NKTR: variants seen among roughly 807,000 people sequenced by gnomAD.
NKTR encodes NK-tumor recognition protein.
NKTR carries 67 observed loss-of-function variants against 156.3 expected under a neutral mutation model. The ratio of observed to expected loss-of-function variants is 0.43; its 90% CI spans 0.35 to 0.53. NKTR has a LOEUF of 0.53. NKTR is among the 20% of genes least tolerant of loss of function. NKTR has a pLI of 0.01. For synonymous variants in NKTR, 640 were observed against 596.6 expected (o/e 1.07, Z -1.06); for missense variants, 1,604 against 1,730.9 (o/e 0.93, Z 1.30).
In NKTR at chr3:42,613,044, TAAC is replaced by T. The variant is rs573859769; in HGVS notation, c.59-4525_59-4523del. On this transcript the variant is annotated intron_variant, in intron 2 of 16. Transcript: ENST00000232978. Reference sequence around the variant, plus strand: ...TATTATTAAATATTTATTGAGCACCTAACTGTACCAGGCACTACGTAAGTCTCT... The same window carrying T: ...TATTATTAAATATTTATTGAGCACCTTGTACCAGGCACTACGTAAGTCTCT... Among the ~76,000 whole-genome samples, 81 of 152,292 alleles carry T rather than the reference TAAC, an allele frequency of 5.3e-4. No individual in the cohort carries two copies. In the East Asian group the frequency reaches 0.011, roughly 21 times the overall value.
intron 2 of NKTR, among the ~76,000 whole-genome samples, chr3:42,612,751 A>G (rs533617989): frequency 6.6e-5 from 10 of 152,228 alleles, no homozygotes; most frequent in Non-Finnish European, 1.5e-5. Context: ...AGTTGTCTCC[A>G]GTTTGTAATA....
intron 2 of NKTR, among the ~76,000 whole-genome samples, chr3:42,604,586 ATT>A (rs1706007963): frequency 7.7e-6 from 1 of 129,636 alleles, no homozygotes; most frequent in Non-Finnish European, 1.6e-5. Flanking sequence ...CTACTTGTTT[ATT>A]GATTACCAGG....
intron 2 of NKTR, 131 bp downstream of exon 2, chr3:42,601,195 C>G (rs1379610043): frequency 2.9e-6 from 2 of 680,040 alleles, no homozygotes; most frequent in African/African-American, 3.8e-5. Flanking sequence ...TCCGTTTTCT[C>G]TTGAGAGAAA....
intron 6 of NKTR, chr3:42,627,268 T>G: frequency 1.0e-6 from 1 of 985,382 alleles, no homozygotes; most frequent in Non-Finnish European, 1.2e-6. Context: ...CTCTTTGCCT[T>G]TATCTCTTTA....
chr3:42,619,975 T>C lies in NKTR; in HGVS notation c.286+267T>C. ...GCAACTATATACATGAAAACTCCTATCTTCCTGCCTAAAACTGTCAACATA... is the reference window on the plus strand; with the variant it reads ...GCAACTATATACATGAAAACTCCTACCTTCCTGCCTAAAACTGTCAACATA... On this transcript the variant is annotated intron_variant, in intron 5 of 16. Transcript: ENST00000232978. 3 of 1,531,144 alleles carry C rather than the reference T, an allele frequency of 2.0e-6. 1 individual carries two copies. Among genetic ancestry groups the C allele is most frequent in the South Asian group, 2.4e-5 (2 of 83,218 alleles). 94.8% of individuals were successfully genotyped at this position (1,531,144 alleles called of 1,614,324 possible).
At chr3:42,607,241 C>T (rs780651852) in intron 2 of NKTR, among the ~76,000 whole-genome samples, 7 of 152,010 alleles carry the variant, frequency 4.6e-5, no homozygotes, top group Non-Finnish European at 1.0e-4. Flanking sequence ...GTGCGTGCGG[C>T]TCTTAACAGA....
In NKTR at chr3:42,638,761, A is replaced by T. The variant is rs1291486745; in HGVS notation, c.3057A>T (p.Pro1019=). ...KRKQAFHWQP[P]LEFGEEEEEE... ...AGCAAGCATTTCACTGGCAGCCTCC[A>T]CTAGAATTTGGTGAAGAGGAGGAGG... Residue 1019 remains proline (P), a synonymous_variant, in exon 13 of 17, where the codon CCA becomes CCT. Transcript: ENST00000232978. 6.2e-7 allele frequency: 1 copy of T among 1,614,080 alleles called. No individual in the cohort carries two copies. Among genetic ancestry groups the T allele is most frequent in the East Asian group, 2.2e-5 (1 of 44,886 alleles).
At chr3:42,643,712 C>T in intron 15 of NKTR, 190 bp from the exon 16 acceptor site, 1 of 684,762 alleles carries the variant, frequency 1.5e-6, no homozygotes, top group Non-Finnish European at 2.6e-6. Flanking sequence ...ACATTTTTCT[C>T]TTTAATTATG....
chr3:42,633,383 A>G, intron 9 of NKTR, 197 bp from the exon 10 acceptor site: 1 of 1,360,122 alleles, frequency 7.4e-7, no homozygotes, highest in Non-Finnish European at 9.4e-7. Context: ...TCATTTAACA[A>G]TTTTCCTATC....
At chr3:42,635,430 A>G (rs1709309898) in intron 12 of NKTR, 64 bp downstream of exon 12, 1 of 1,306,396 alleles carries the variant, frequency 7.7e-7, no homozygotes, top group Non-Finnish European at 1.1e-6. Context: ...AAGGGATTGG[A>G]TACAATTCTG....
chr3:42,630,507 G>A (rs746873050), intron 6 of NKTR, 39 bp from the exon 7 acceptor site: 4 of 1,612,230 alleles, frequency 2.5e-6, no homozygotes, highest in South Asian at 1.1e-5. Flanking sequence ...TGAACACATC[G>A]TGTTTGACAT....
rs908621563 is a variant in NKTR at position 42,627,286 on chromosome 3, T to G, written c.375-3260T>G. The G allele has an allele frequency of 8.1e-6, 8 of 984,778 alleles. No individual in the cohort carries two copies. The African/African-American group carries it at 1.4e-4, about 17-fold the overall frequency. 61.0% of individuals were successfully genotyped at this position (984,778 alleles called of 1,614,324 possible). ...TTTGCCTTTATCTCTTTAATTCTGT[T>G]GTTATGTGCATTGAAACATTTTAAG... On this transcript the variant is annotated intron_variant, in intron 6 of 16. Transcript: ENST00000232978.
chr3:42,610,752 C>T (rs371649480), intron 2 of NKTR, among the ~76,000 whole-genome samples: 6 of 151,924 alleles, frequency 3.9e-5, no homozygotes, highest in African/African-American at 1.4e-4. Flanking sequence ...GCTTTGGTTT[C>T]GATTTTATTT....
intron 16 of NKTR, 63 bp from the exon 17 acceptor site, chr3:42,645,825 A>C: frequency 1.8e-6 from 2 of 1,120,646 alleles, no homozygotes; most frequent in Non-Finnish European, 2.6e-6. Flanking sequence ...AAAACAAGCT[A>C]TAAGAGGAAT....
In NKTR at chr3:42,637,109, A is replaced by G. The variant is rs777257039; in HGVS notation, c.1405A>G (p.Lys469Glu). The G allele has an allele frequency of 1.9e-6, 3 of 1,607,320 alleles. No homozygotes were observed. Among genetic ancestry groups the G allele is most frequent in the Admixed American group, 3.4e-5 (2 of 58,188 alleles). The part of the protein sequence containing the change: ...ILIPSDIESS[K>E]SSTRRMKSSC... ...TATACCGTCTGACATAGAATCCTCAAAATCTTCCACTCGAAGAATGAAATC... is the reference window on the plus strand; with the variant it reads ...TATACCGTCTGACATAGAATCCTCAGAATCTTCCACTCGAAGAATGAAATC... The change falls in exon 13 of 17, where the codon AAA becomes GAA. Residue 469 changes from lysine (K) to glutamate (E), a missense_variant. Lys to Glu is a moderately conservative substitution (Grantham distance 56). This residue lies in a region of NKTR where 1,255 missense variants were observed against 1,243.7 expected (regional missense o/e 1.01). Transcript: ENST00000232978.
At chr3:42,618,926 G>C in intron 3 of NKTR, 94 bp from the exon 4 acceptor site, 1 of 1,081,900 alleles carries the variant, frequency 9.2e-7, no homozygotes, top group South Asian at 1.6e-5. Context: ...TAGCACACAG[G>C]AAAGATTTGA....
chr3:42,623,474 T>A (rs1313486816), intron 6 of NKTR, among the ~76,000 whole-genome samples: 1 of 152,106 alleles, frequency 6.6e-6, no homozygotes, highest in East Asian at 1.9e-4. Context: ...TTATGCTGGC[T>A]AGAAAGATCA....
Position 42,637,717 on chromosome 3 carries a change from G to T in NKTR, c.2013G>T (p.Ser671=). ...SSSYHKREKN[S]ESDQSTYSKY... ...CCTACCATAAAAGAGAAAAAAATTCGGAAAGTGATCAGAGCACTTATTCAA... is the reference window on the plus strand; with the variant it reads ...CCTACCATAAAAGAGAAAAAAATTCTGAAAGTGATCAGAGCACTTATTCAA... Residue 671 remains serine, a synonymous_variant, in exon 13 of 17, where the codon TCG becomes TCT. Coordinates refer to ENST00000232978, the MANE Select transcript of NKTR (RefSeq NM_005385.4). The T allele has an allele frequency of 1.2e-6, 2 of 1,613,948 alleles. No individual in the cohort carries two copies. The highest frequency in any genetic ancestry group is 1.1e-5 in the South Asian group (1 of 91,060).
At chr3:42,629,101 TA>T (rs1275552008) in intron 6 of NKTR, 17 of 968,380 alleles carry the variant, frequency 1.8e-5, no homozygotes, top group Non-Finnish European at 2.1e-5. Context: ...TGTACTTTGG[TA>T]AAGTTTTATA....
Sources: allele counts gnomAD v4.1 joint callset (sites outside exome capture counted in the v4.1 genomes callset), GRCh38; gene constraint gnomAD v4.1.1; regional missense constraint gnomAD v4.1.1; transcripts MANE v1.5; gene names NCBI Gene and HGNC (gene_info 2026-07-23, HGNC 2026-07-21).